PRKCA: variants seen among roughly 807,000 people sequenced by gnomAD.
The protein encoded by PRKCA is protein kinase C alpha.
PRKCA carries 27 observed loss-of-function variants against 87.0 expected under a neutral mutation model. That is an observed-to-expected ratio of 0.31 (90% CI 0.23 to 0.43). The LOEUF is 0.43. PRKCA is among the 20% of genes least tolerant of loss of function. The probability of loss-of-function intolerance (pLI) is 1.00; values close to 1 mark genes in which losing one functional copy is unlikely to be tolerated. For missense variants in PRKCA, 518 were observed against 852.3 expected, an observed-to-expected ratio of 0.61 and a Z score of 4.88; for synonymous variants, 329 against 311.1, an observed-to-expected ratio of 1.06 and a Z score of -0.61.
At chr17:66,397,164 C>T (rs1351485699) in intron 2 of PRKCA, among the ~76,000 whole-genome samples, 1 of 151,118 alleles carries the variant, frequency 6.6e-6, no homozygotes, top group African/African-American at 2.4e-5. Flanking sequence ...CAGGGTTTCT[C>T]CATGTTGCCA....
intron 2 of PRKCA, among the ~76,000 whole-genome samples, chr17:66,483,057 C>G (rs887572120): frequency 2.0e-5 from 3 of 152,148 alleles, no homozygotes; most frequent in African/African-American, 7.2e-5. Context: ...TGTGCTGTCC[C>G]GTAGAGCTGT....
chr17:66,776,323 T>G (rs1259628768), intron 14 of PRKCA, among the ~76,000 whole-genome samples: 3 of 152,158 alleles, frequency 2.0e-5, no homozygotes, highest in Non-Finnish European at 4.4e-5. Context: ...TGTTTTGTTT[T>G]GTTTTTGAGA....
intron 8 of PRKCA, among the ~76,000 whole-genome samples, chr17:66,721,944 G>C (rs1258088599): frequency 6.6e-6 from 1 of 152,102 alleles, no homozygotes. Flanking sequence ...CTCACAATTA[G>C]ACATTAAACA....
intron 3 of PRKCA, among the ~76,000 whole-genome samples, chr17:66,559,330 G>T (rs955918431): frequency 6.6e-6 from 1 of 151,684 alleles, no homozygotes; most frequent in Non-Finnish European, 1.5e-5. Flanking sequence ...AAAAAAATGA[G>T]CTGGGCGTGG....
At chr17:66,482,726 A>T (rs1220740077) in intron 2 of PRKCA, among the ~76,000 whole-genome samples, 2 of 152,216 alleles carry the variant, frequency 1.3e-5, no homozygotes, top group African/African-American at 2.4e-5. Context: ...ACACACACAT[A>T]CAAAGGCAAT....
rs753189665 is a variant in PRKCA, at chr17:66,786,853, T to G, written c.1606-14T>G. 1 of 1,608,128 alleles carries G rather than the reference T, an allele frequency of 6.2e-7. No homozygotes were observed. Among genetic ancestry groups the G allele is most frequent in the South Asian group, 1.1e-5 (1 of 90,874 alleles). ...GCCTAAATACTTTCCCATCTTTCTTTTTTTCCGGAACAGCCTCCATTTGAT... is the reference window on the plus strand; with the variant it reads ...GCCTAAATACTTTCCCATCTTTCTTGTTTTCCGGAACAGCCTCCATTTGAT... On this transcript the variant is annotated splice_polypyrimidine_tract_variant and intron_variant, in intron 14 of 16. Coordinates refer to ENST00000413366, the MANE Select transcript of PRKCA (RefSeq NM_002737.3).
intron 2 of PRKCA, among the ~76,000 whole-genome samples, chr17:66,368,386 A>ATATATT (rs1567793184): frequency 3.1e-3 from 79 of 25,456 alleles, no homozygotes; most frequent in African/African-American, 3.5e-3. Context: ...ATATATATAT[A>ATATATT]TTTTTTTTTT....
At chr17:66,485,829 C>T (rs1915968251) in intron 2 of PRKCA, among the ~76,000 whole-genome samples, 1 of 152,088 alleles carries the variant, frequency 6.6e-6, no homozygotes, top group Non-Finnish European at 1.5e-5. Context: ...TAGCTCCTTG[C>T]AACTCACACT....
At chr17:66,327,105 T>C (rs4429330) in intron 2 of PRKCA, among the ~76,000 whole-genome samples, 18,142 of 151,742 alleles carry the variant, frequency 0.12, 1,227 homozygotes, top group South Asian at 0.25. Context: ...GCGTGGTGGC[T>C]CACGCCTGTA....
rs779879529 is a variant in PRKCA, at chr17:66,788,884, G to T, written c.1759G>T (p.Gly587Trp). Residue 587 changes from glycine (G) to tryptophan (W), a missense_variant, in exon 16 of 17, where the codon GGG becomes TGG. Gly to Trp is a radical substitution (Grantham distance 184, BLOSUM62 -2). Transcript: ENST00000413366. The stretch of plus-strand genomic sequence containing the variant: ...CAAGCGGCTGGGCTGTGGGCCTGAG[G>T]GGGAGAGGGACGTGAGAGAGCATGC... ...PAKRLGCGPEGERDVREHAFF... is the reference protein window; with the variant it reads ...PAKRLGCGPEWERDVREHAFF... 7 of 1,613,996 alleles carry T rather than the reference G, an allele frequency of 4.3e-6. No homozygotes were observed. Among genetic ancestry groups the T allele is most frequent in the Admixed American group, 1.7e-5 (1 of 59,988 alleles).
At chr17:66,374,246 A>G (rs1029766246) in intron 2 of PRKCA, among the ~76,000 whole-genome samples, 1 of 152,014 alleles carries the variant, frequency 6.6e-6, no homozygotes, top group African/African-American at 2.4e-5. Flanking sequence ...GCCCCGCCTG[A>G]CCCAGCTCCC....
At chr17:66,336,074 T>C (rs1313789572) in intron 2 of PRKCA, among the ~76,000 whole-genome samples, 1 of 152,236 alleles carries the variant, frequency 6.6e-6, no homozygotes, top group Non-Finnish European at 1.5e-5. Flanking sequence ...ATTGTTTCAA[T>C]TTAATCCATT....
chr17:66,467,676 A>C (rs73332639), intron 2 of PRKCA, among the ~76,000 whole-genome samples: 54 of 151,878 alleles, frequency 3.6e-4, no homozygotes, highest in Non-Finnish European at 1.0e-4. Flanking sequence ...TCCTGCTTCA[A>C]CCTCCTGAGT....
At chr17:66,515,622 G>A (rs1473933) in intron 3 of PRKCA, among the ~76,000 whole-genome samples, 75,170 of 151,814 alleles carry the variant, frequency 0.5, 18,980 homozygotes, top group East Asian at 0.76. Flanking sequence ...AGCTCACTGC[G>A]GCCTCAATTC....
At chr17:66,472,329 G>A (rs1338631171) in intron 2 of PRKCA, among the ~76,000 whole-genome samples, 3 of 152,146 alleles carry the variant, frequency 2.0e-5, no homozygotes, top group Non-Finnish European at 2.9e-5. Flanking sequence ...TTGTCTTCTG[G>A]TTCCAGGAGC....
chr17:66,791,834 C>G, intron 16 of PRKCA, among the ~76,000 whole-genome samples: 1 of 152,194 alleles, frequency 6.6e-6, no homozygotes, highest in East Asian at 1.9e-4. Flanking sequence ...GAACTAGCGG[C>G]GTAGAAAAGT....
chr17:66,329,253 C>G (rs574441810), intron 2 of PRKCA, among the ~76,000 whole-genome samples: 3 of 152,204 alleles, frequency 2.0e-5, no homozygotes, highest in East Asian at 1.9e-4. Context: ...GACTGTGGTG[C>G]CATTCACTAT....
chr17:66,443,868 G>A (rs1913898244), intron 2 of PRKCA, among the ~76,000 whole-genome samples: 1 of 152,168 alleles, frequency 6.6e-6, no homozygotes, highest in African/African-American at 2.4e-5. Flanking sequence ...AGGAGGAAAA[G>A]TGTGTGAATG....
intron 2 of PRKCA, among the ~76,000 whole-genome samples, chr17:66,325,450 G>A (rs973636140): frequency 1.3e-5 from 2 of 151,950 alleles, no homozygotes; most frequent in African/African-American, 4.8e-5. Flanking sequence ...GTTGCCTCCC[G>A]CCCCACTTTA....
Sources: gnomAD v4.1 joint callset for allele counts (sites outside exome capture counted in the v4.1 genomes callset) on GRCh38, gnomAD v4.1.1 for gene constraint, MANE v1.5 for transcripts, NCBI Gene and HGNC (gene_info 2026-07-23, HGNC 2026-07-21) for gene names.